TENM3: variants seen among roughly 807,000 people sequenced by gnomAD.
TENM3 encodes teneurin transmembrane protein 3.
Under a neutral mutation model 255.1 loss-of-function variants are expected in TENM3, and 63 were observed. That is an observed-to-expected ratio of 0.25 (90% CI 0.20 to 0.30). The LOEUF is 0.30. Among genes scored for constraint, TENM3 ranks in the 10% least tolerant of loss-of-function variants. The pLI, the probability that TENM3 is intolerant of heterozygous loss-of-function variation, is 1.00. For missense variants in TENM3, 2,929 were observed against 3,461.1 expected (o/e 0.85, Z 3.86); for synonymous variants, 1,306 against 1,322.3 (o/e 0.99, Z 0.27).
chr4:182,314,039 G>A (rs1476630801), intron 1 of TENM3, among the ~76,000 whole-genome samples: 3 of 152,204 alleles, frequency 2.0e-5, no homozygotes, highest in East Asian at 1.9e-4. Context: ...CTGGCTGGGC[G>A]TGGTGGCTCA....
the TENM3 span, among the ~76,000 whole-genome samples, chr4:181,567,995 A>T: frequency 1.3e-5 from 2 of 152,124 alleles, no homozygotes; most frequent in African/African-American, 2.4e-5. Context: ...AGAAAAAAAA[A>T]TCATATATTA....
chr4:182,174,047 T>A (rs1248903298), intron 1 of TENM3, among the ~76,000 whole-genome samples: 2 of 150,516 alleles, frequency 1.3e-5, no homozygotes, highest in African/African-American at 4.8e-5. Context: ...GCAGACTTTA[T>A]GCAAATTGAT....
chr4:182,522,580 AAATTTATTTGTT>A (rs1738694652), intron 3 of TENM3, among the ~76,000 whole-genome samples: 1 of 152,184 alleles, frequency 6.6e-6, no homozygotes, highest in South Asian at 2.1e-4. Flanking sequence ...CTTTTTTAAA[AAATTTATTTGTT>A]TTAAATTTTA....
chr4:182,746,349 A>AT (rs1174390877), intron 19 of TENM3, among the ~76,000 whole-genome samples: 4 of 152,362 alleles, frequency 2.6e-5, no homozygotes, highest in Admixed American at 6.5e-5. Context: ...GTCTGCTTAA[A>AT]TAGAACAGCA....
At chr4:182,071,721 A>G in the TENM3 span, among the ~76,000 whole-genome samples, 1 of 152,306 alleles carries the variant, frequency 6.6e-6, no homozygotes, top group African/African-American at 2.4e-5. Context: ...TCTTTATGCT[A>G]TGAACATTCG....
At chr4:182,248,399 T>C (rs975028773) in intron 1 of TENM3, among the ~76,000 whole-genome samples, 2 of 152,228 alleles carry the variant, frequency 1.3e-5, no homozygotes, top group African/African-American at 2.4e-5. Flanking sequence ...ATGTACTCTA[T>C]TGTACAGTGA....
intron 5 of TENM3, among the ~76,000 whole-genome samples, chr4:182,638,489 C>G (rs942986316): frequency 2.9e-5 from 4 of 137,514 alleles, no homozygotes; most frequent in Admixed American, 7.4e-5. Flanking sequence ...TACTCTGAGG[C>G]CCCCCCATTG....
the TENM3 span, among the ~76,000 whole-genome samples, chr4:181,589,230 A>AT: frequency 2.0e-5 from 3 of 152,166 alleles, no homozygotes; most frequent in Non-Finnish European, 4.4e-5. Context: ...TTTTCTGAAC[A>AT]TTTTTCTAAT....
chr4:182,684,751 G>C (rs1689640292), intron 11 of TENM3, among the ~76,000 whole-genome samples: 2 of 152,172 alleles, frequency 1.3e-5, no homozygotes, highest in South Asian at 4.1e-4. Context: ...CAATTCAGAG[G>C]AGCTTCCACA....
At chr4:182,678,018 A>T (rs987522118) in intron 7 of TENM3, among the ~76,000 whole-genome samples, 1 of 152,024 alleles carries the variant, frequency 6.6e-6, no homozygotes, top group Admixed American at 6.6e-5. Flanking sequence ...TTTATGATTT[A>T]TATATGCAGT....
the TENM3 span, among the ~76,000 whole-genome samples, chr4:181,791,582 C>T: frequency 1.3e-5 from 2 of 152,182 alleles, no homozygotes; most frequent in African/African-American, 2.4e-5. Context: ...TTAGCCTACT[C>T]TTAACCCCAG....
intron 6 of TENM3, among the ~76,000 whole-genome samples, chr4:182,661,872 C>T (rs1236848954): frequency 1.3e-5 from 2 of 152,136 alleles, no homozygotes; most frequent in Admixed American, 6.5e-5. Context: ...TCTGCCTTTC[C>T]GTTTCACTCA....
chr4:181,876,546 C>T, the TENM3 span, among the ~76,000 whole-genome samples: 1 of 152,236 alleles, frequency 6.6e-6, no homozygotes, highest in South Asian at 2.1e-4. Context: ...TAAATCAGAT[C>T]AAGCCATTTT....
intron 3 of TENM3, among the ~76,000 whole-genome samples, chr4:182,411,564 C>A (rs1229644419): frequency 2.0e-5 from 3 of 152,104 alleles, no homozygotes; most frequent in African/African-American, 7.2e-5. Flanking sequence ...ATGGGTAAGT[C>A]TGGAGGGGGC....
At chr4:181,870,015 G>A in the TENM3 span, among the ~76,000 whole-genome samples, 134 of 152,154 alleles carry the variant, frequency 8.8e-4, no homozygotes, top group Middle Eastern at 3.4e-3. Context: ...AACAAGCACC[G>A]TTCTGTCTAC....
At chr4:181,664,883 C>G in the TENM3 span, among the ~76,000 whole-genome samples, 1 of 152,190 alleles carries the variant, frequency 6.6e-6, no homozygotes, top group African/African-American at 2.4e-5. Flanking sequence ...TGCTCCTTGT[C>G]AACTCCTTTA....
intron 16 of TENM3, among the ~76,000 whole-genome samples, chr4:182,733,307 T>C (rs1388718561): frequency 6.6e-6 from 1 of 152,176 alleles, no homozygotes; most frequent in Non-Finnish European, 1.5e-5. Flanking sequence ...TCACAAGCCA[T>C]TGGAGACCAT....
At chr4:181,829,650 G>A in the TENM3 span, among the ~76,000 whole-genome samples, 2 of 152,274 alleles carry the variant, frequency 1.3e-5, no homozygotes, top group East Asian at 1.9e-4. Context: ...AGGCGAGGTA[G>A]GGAGGAAAGT....
At chr4:182,688,791 A>G (rs17073848) in intron 12 of TENM3, among the ~76,000 whole-genome samples, 16,100 of 152,190 alleles carry the variant, frequency 0.11, 1,146 homozygotes, top group South Asian at 0.14. Context: ...AGACTTGTCC[A>G]TATCTTGAGT....
Sources: allele counts gnomAD v4.1 joint callset (sites outside exome capture counted in the v4.1 genomes callset), GRCh38; gene constraint gnomAD v4.1.1; transcripts MANE v1.5; gene names NCBI Gene and HGNC (gene_info 2026-07-23, HGNC 2026-07-21).